Variants in ZNF676 observed in about 807,000 individuals in gnomAD.
ZNF676 encodes zinc finger protein 676.
Under a neutral mutation model 6.0 loss-of-function variants are expected in ZNF676, and 4 were observed. That is an observed-to-expected ratio of 0.67 (90% CI 0.33 to 1.53). The LOEUF is 1.53. Ranked by LOEUF, ZNF676 falls within the 40% of genes most tolerant of loss-of-function variation. The pLI is 0.06. For synonymous variants in ZNF676, 198 were observed against 223.1 expected, an observed-to-expected ratio of 0.89 and a Z score of 1.00; for missense variants, 644 against 679.7, an observed-to-expected ratio of 0.95 and a Z score of 0.58.
chr19:22,202,189 TACAGG>T (rs2024033121), intron 1 of ZNF676, among the ~76,000 whole-genome samples: 1 of 152,176 alleles, frequency 6.6e-6, no homozygotes, highest in African/African-American at 2.4e-5. Context: ...TTCTCACGTC[TACAGG>T]TCTACTCAAT....
chr19:22,228,664 A>T, the ZNF676 span, among the ~76,000 whole-genome samples: 2 of 152,210 alleles, frequency 1.3e-5, no homozygotes, highest in South Asian at 2.1e-4. Context: ...AAGTCTCAGG[A>T]TACAAAATCA....
chr19:22,205,556 C>G (rs1394503406), intron 1 of ZNF676, among the ~76,000 whole-genome samples: 1 of 152,216 alleles, frequency 6.6e-6, no homozygotes, highest in East Asian at 1.9e-4. Context: ...ACTTGAATAA[C>G]TTTTTTGGTA....
At chr19:22,201,103 T>C (rs540650816), upstream of ZNF676, among the ~76,000 whole-genome samples, 4 of 152,250 alleles carry the variant, frequency 2.6e-5, no homozygotes, top group South Asian at 8.3e-4. Context: ...AACTCCAGAA[T>C]CTGGGTTGCC....
chr19:22,248,883 C>A, the ZNF676 span, among the ~76,000 whole-genome samples: 16 of 152,124 alleles, frequency 1.1e-4, no homozygotes. Flanking sequence ...GAACTTGCCA[C>A]CATGCCTGGC....
At chr19:22,212,868 G>A (rs1413644858) in intron 1 of ZNF676, among the ~76,000 whole-genome samples, 3 of 150,678 alleles carry the variant, frequency 2.0e-5, no homozygotes, top group South Asian at 2.1e-4. Flanking sequence ...GTGGGTGCAC[G>A]CCTGTAGTCC....
At chr19:22,204,199 T>C (rs991444865) in intron 1 of ZNF676, among the ~76,000 whole-genome samples, 1 of 152,166 alleles carries the variant, frequency 6.6e-6, no homozygotes, top group African/African-American at 2.4e-5. Context: ...TCCTATTGGG[T>C]AAATTAATAA....
intron 1 of ZNF676, among the ~76,000 whole-genome samples, chr19:22,211,745 G>C (rs2024131043): frequency 6.6e-6 from 1 of 152,072 alleles, no homozygotes; most frequent in Non-Finnish European, 1.5e-5. Flanking sequence ...AAAAGAAACT[G>C]ATGTTTTCAC....
intron 1 of ZNF676, among the ~76,000 whole-genome samples, chr19:22,195,706 G>A (rs1212152938): frequency 6.6e-6 from 1 of 152,166 alleles, no homozygotes; most frequent in Non-Finnish European, 1.5e-5. Flanking sequence ...AATTGAAAGA[G>A]CAATTGTGCT....
the ZNF676 span, among the ~76,000 whole-genome samples, chr19:22,237,495 C>A: frequency 2.0e-5 from 3 of 152,100 alleles, no homozygotes; most frequent in Non-Finnish European, 4.4e-5. Context: ...CCTCATGGGG[C>A]ACACTCTCAA....
the ZNF676 span, among the ~76,000 whole-genome samples, chr19:22,242,561 G>T: frequency 6.6e-6 from 1 of 151,832 alleles, no homozygotes; most frequent in African/African-American, 2.4e-5. Flanking sequence ...TGTATGCAAG[G>T]CCCAAGCAGG....
chr19:22,188,596 G>A (rs2023867540), intron 2 of ZNF676, among the ~76,000 whole-genome samples: 1 of 152,142 alleles, frequency 6.6e-6, no homozygotes, highest in African/African-American at 2.4e-5. Flanking sequence ...TGACATGTTT[G>A]TATATTTAGA....
chr19:22,180,054 G>T lies in ZNF676; in HGVS notation c.1663C>A (p.His555Asn). 1 of 1,613,804 alleles carries T rather than the reference G, an allele frequency of 6.2e-7. No homozygotes were observed. The highest frequency in any genetic ancestry group is 8.5e-7 in the Non-Finnish European group (1 of 1,179,832). The change falls in exon 3 of 3, where the codon CAT (histidine) becomes AAT (asparagine). Residue 555 changes from histidine (H) to asparagine (N), a missense_variant. By Grantham distance (68) the His-to-Asn change is moderately conservative. Coordinates refer to ENST00000397121, the MANE Select transcript of ZNF676 (RefSeq NM_001001411.3). ...CATTTGTAGGGTTTCTCTCCAGTAT[G>T]AATTCTCTTGTGTCTAGTAAGGCTT... Reference protein sequence around the residue: ...SSSLTRHKRIHTGEKPYKCEE... With the variant: ...SSSLTRHKRINTGEKPYKCEE...
intron 2 of ZNF676, among the ~76,000 whole-genome samples, chr19:22,192,272 A>G (rs1424140888): frequency 6.6e-6 from 1 of 152,154 alleles, no homozygotes; most frequent in Non-Finnish European, 1.5e-5. Flanking sequence ...TGAGGAGCTG[A>G]AAAACTTTTC....
At chr19:22,255,635 GGAGATC>G in the ZNF676 span, among the ~76,000 whole-genome samples, 1 of 152,088 alleles carries the variant, frequency 6.6e-6, no homozygotes. Context: ...CACAAAGTCA[GGAGATC>G]GAGACCATCC....
intron 1 of ZNF676, among the ~76,000 whole-genome samples, chr19:22,214,184 TG>T (rs1180783661): frequency 6.6e-6 from 1 of 151,924 alleles, no homozygotes; most frequent in African/African-American, 2.4e-5. Flanking sequence ...AAATAGGGGG[TG>T]GCAGATAGAC....
chr19:22,215,752 T>C (rs1203070886), exon 1 of ZNF676: 5 of 1,331,940 alleles, frequency 3.8e-6, no homozygotes, highest in East Asian at 2.6e-5. Context: ...TACCTCCGGC[T>C]GCAGCGAGAG....
chr19:22,184,445 C>T (rs2023803971), intron 2 of ZNF676, among the ~76,000 whole-genome samples: 1 of 152,132 alleles, frequency 6.6e-6, no homozygotes, highest in Non-Finnish European at 1.5e-5. Flanking sequence ...TGGGCAGACA[C>T]CAAACTAGCT....
In ZNF676 at chr19:22,196,908, AAAAG is replaced by A. The variant is rs2023973138; in HGVS notation, c.-279_-276del. On this transcript the variant is annotated 5_prime_UTR_variant, in exon 1 of 3. It introduces an in-frame stop codon into an upstream open reading frame of the 5' UTR. Coordinates refer to ENST00000397121, the MANE Select transcript of ZNF676 (RefSeq NM_001001411.3). ...CACTAATGTATTCTCTAACTCTGAG[AAAAG>A]AAAGTGGTATAAGATCCATAACATC... is the stretch of plus-strand genomic sequence containing the variant. 1.6e-6 allele frequency: 1 copy of A among 621,784 alleles called. No homozygotes were observed. The highest frequency in any genetic ancestry group is 2.7e-6 in the Non-Finnish European group (1 of 364,264). The allele number at this position is 621,784 out of a possible 1,614,324, so 38.5% of individuals were successfully genotyped here.
At chr19:22,200,515 A>ATTTTTTTTTTTTTT (rs3035052), upstream of ZNF676, among the ~76,000 whole-genome samples, 16 of 105,846 alleles carry the variant, frequency 1.5e-4, no homozygotes, top group African/African-American at 2.7e-4. Flanking sequence ...TGCTTCATCA[A>ATTTTTTTTTTTTTT]TTTTTTTTTT....
Sources: gnomAD v4.1 joint callset for allele counts (sites outside exome capture counted in the v4.1 genomes callset) on GRCh38, gnomAD v4.1.1 for gene constraint, MANE v1.5 for transcripts, NCBI Gene and HGNC (gene_info 2026-07-23, HGNC 2026-07-21) for gene names.